The following ACOT7 variants were observed in gnomAD, a reference collection of about 807,000 sequenced individuals.
The protein encoded by ACOT7 is acyl-CoA thioesterase 7.
Under a neutral mutation model 40.2 loss-of-function variants are expected in ACOT7, and 12 were observed. The ratio of observed to expected loss-of-function variants is 0.30; its 90% CI spans 0.19 to 0.48. The LOEUF (loss-of-function observed/expected upper bound fraction) is 0.48, where lower values mean the gene tolerates loss of function less well. Ranked by LOEUF, ACOT7 falls within the 20% of genes least tolerant of loss-of-function variation. ACOT7 has a pLI of 0.99. For synonymous variants in ACOT7, 228 were observed against 219.5 expected (o/e 1.04, Z -0.34); for missense variants, 395 against 530.8 (o/e 0.74, Z 2.51).
chr1:6,333,678 A>G, intron 3 of ACOT7, 110 bp from the exon 4 acceptor site: 1 of 1,042,586 alleles, frequency 9.6e-7, no homozygotes, highest in Non-Finnish European at 1.5e-6. Flanking sequence ...TACCTGAAAC[A>G]CACCACAGTG....
chr1:6,290,526 C>T lies in ACOT7; in HGVS notation c.829+4338G>A, dbSNP rs1639634957. On this transcript the variant is annotated intron_variant, in intron 7 of 8. Coordinates refer to ENST00000361521, the MANE Select transcript of ACOT7 (RefSeq NM_007274.4). ...AACCGCCTGGATGTGCCCAGTCTAC[C>T]TGCAGGCACCTTTTCCATAAACGTA... Among the ~76,000 whole-genome samples the T allele has an allele frequency of 2.0e-5, 3 of 152,354 alleles. No homozygotes were observed. The South Asian group carries it at 6.2e-4, about 32-fold the overall frequency.
intron 1 of ACOT7, among the ~76,000 whole-genome samples, chr1:6,350,531 G>A (rs531783740): frequency 8.5e-4 from 129 of 152,364 alleles, no homozygotes; most frequent in African/African-American, 2.9e-3. Context: ...GTGAGCAGCC[G>A]GTAGTGTGGG....
chr1:6,289,682 TTG>T lies in ACOT7; in HGVS notation c.829+5180_829+5181del, dbSNP rs1339623985. ...AGCCACTGTGACCAGCCTGCTTTTTTTGTGTGTGTTTTGTTTTGTTTTGTTTT... is the reference window on the plus strand; with the variant it reads ...AGCCACTGTGACCAGCCTGCTTTTTTTGTGTGTTTTGTTTTGTTTTGTTTT... On this transcript the variant is annotated intron_variant, in intron 7 of 8. Coordinates refer to ENST00000361521, the MANE Select transcript of ACOT7 (RefSeq NM_007274.4). The surrounding 1 kb of genome is among the most constrained non-coding windows in gnomAD (Gnocchi z 4.6). Among the ~76,000 whole-genome samples, 2 of 151,660 alleles carry T rather than the reference TTG, an allele frequency of 1.3e-5. No individual in the cohort carries two copies. The highest frequency in any genetic ancestry group is 2.9e-5 in the Non-Finnish European group (2 of 67,952).
intron 7 of ACOT7, among the ~76,000 whole-genome samples, chr1:6,281,902 C>T: frequency 6.6e-6 from 1 of 152,200 alleles, no homozygotes; most frequent in East Asian, 1.9e-4. Context: ...TCTGGCCCCA[C>T]TGGTCTCGCC....
rs762011090 is a variant in ACOT7 at position 6,355,447 on chromosome 1, T to C, written c.144-5581A>G. Among the ~76,000 whole-genome samples, 5 of 152,158 alleles carry C rather than the reference T, an allele frequency of 3.3e-5. No individual in the cohort carries two copies. Among genetic ancestry groups the C allele is most frequent in the Admixed American group, 6.5e-5 (1 of 15,280 alleles). On this transcript the variant is annotated intron_variant, in intron 1 of 8. Coordinates refer to ENST00000361521, the MANE Select transcript of ACOT7 (RefSeq NM_007274.4). The surrounding 1 kb of genome is among the most constrained non-coding windows in gnomAD (Gnocchi z 5.0). The stretch of plus-strand genomic sequence containing the variant: ...CACACATTGGAATATTGCTCAGCCT[T>C]GCACGAGGAGGAGGAACCTTCTCAG...
At position 6,311,354 on chromosome 1, in the gene ACOT7, C is replaced by T. The variant is rs559918490; in HGVS notation, c.712+7138G>A. On this transcript the variant is annotated intron_variant, in intron 6 of 8. Transcript: ENST00000361521. This position sits in a 1 kb window ranked among gnomAD's most constrained non-coding sequence, Gnocchi z 5.2. ...AACCGGAGAAGCAACCAGAACAACC[C>T]GGATCATCCCATGGACGAGGGCCCC... Among the ~76,000 whole-genome samples, 9 of 152,314 alleles carry T rather than the reference C, an allele frequency of 5.9e-5. No individual in the cohort carries two copies. In the East Asian group the frequency reaches 1.5e-3, roughly 26 times the overall value.
intron 6 of ACOT7, among the ~76,000 whole-genome samples, chr1:6,297,624 C>T (rs1022015687): frequency 6.6e-6 from 1 of 152,134 alleles, no homozygotes; most frequent in Non-Finnish European, 1.5e-5. Flanking sequence ...CTGGACTCTA[C>T]CAACTAGAGA....
chr1:6,295,028 A>G, intron 6 of ACOT7, 48 bp from the exon 7 acceptor site: 1 of 1,425,272 alleles, frequency 7.0e-7, no homozygotes, highest in Non-Finnish European at 9.9e-7. Context: ...GGCAGAGGAG[A>G]TTATTTCACA....
In ACOT7 at chr1:6,358,416, AC is replaced by A. The variant is rs558502204; in HGVS notation, c.144-8551del. Among the ~76,000 whole-genome samples, 7 of 151,602 alleles carry A rather than the reference AC, an allele frequency of 4.6e-5. No homozygotes were observed. In the East Asian group the frequency reaches 7.7e-4, roughly 17 times the overall value. ...AGGAGGCTCCTTGTGCAGCCCACAG[AC>A]CCCCCCTCCACCGCAGGTAGGAAGC... On this transcript the variant is annotated intron_variant, in intron 1 of 8. Transcript: ENST00000361521. This position sits in a 1 kb window ranked among gnomAD's most constrained non-coding sequence, Gnocchi z 4.1.
intron 8 of ACOT7, among the ~76,000 whole-genome samples, chr1:6,280,654 C>A (rs1639328013): frequency 6.6e-6 from 1 of 152,214 alleles, no homozygotes; most frequent in Non-Finnish European, 1.5e-5. Context: ...AGGGAGCCCA[C>A]CCCTCCAGCT....
At chr1:6,349,683 A>G (rs1218210187) in intron 2 of ACOT7, 66 bp downstream of exon 2, 1 of 1,475,976 alleles carries the variant, frequency 6.8e-7, no homozygotes, top group Non-Finnish European at 9.3e-7. Context: ...TCCCCGGGGA[A>G]CTCCTGTCCT....
chr1:6,324,915 G>C (rs1039667977), intron 5 of ACOT7, among the ~76,000 whole-genome samples: 1 of 152,200 alleles, frequency 6.6e-6, no homozygotes, highest in East Asian at 1.9e-4. Context: ...CCTGAGCGCT[G>C]TGTTGGTGCC....
Position 6,347,360 on chromosome 1 carries a change from T to C in ACOT7, c.261+2389A>G, listed in dbSNP as rs2148452948. ...AGGGGCAAGTGTTCAAAGCACAGGT[T>C]CGAGGTATAGTCACAGCCCAGACCT... is the stretch of plus-strand genomic sequence containing the variant. On this transcript the variant is annotated intron_variant, in intron 2 of 8. Transcript: ENST00000361521. Among the ~76,000 whole-genome samples, 5 of 152,260 alleles carry C rather than the reference T, an allele frequency of 3.3e-5. No homozygotes were observed. The South Asian group carries it at 1.0e-3, about 32-fold the overall frequency.
chr1:6,387,239 A>T (rs1327237016), intron 1 of ACOT7, among the ~76,000 whole-genome samples: 1 of 152,186 alleles, frequency 6.6e-6, no homozygotes, highest in Non-Finnish European at 1.5e-5. Flanking sequence ...GCCACTACTC[A>T]GTGTGCACAC....
chr1:6,357,353 G>A (rs929635932), intron 1 of ACOT7, among the ~76,000 whole-genome samples: 1 of 152,268 alleles, frequency 6.6e-6, no homozygotes, highest in Non-Finnish European at 1.5e-5. Flanking sequence ...GTGCCCACCT[G>A]AAGGTGCACA....
rs879547393 is a variant in ACOT7 at position 6,278,115 on chromosome 1, G to A, written c.1014+2987C>T. Among the ~76,000 whole-genome samples the A allele has an allele frequency of 1.4e-4, 22 of 152,086 alleles. No individual in the cohort carries two copies. Among genetic ancestry groups the A allele is most frequent in the Non-Finnish European group, 2.8e-4 (19 of 67,982 alleles). On this transcript the variant is annotated intron_variant, in intron 8 of 8. Coordinates refer to ENST00000361521, the MANE Select transcript of ACOT7 (RefSeq NM_007274.4). The surrounding 1 kb of genome is among the most constrained non-coding windows in gnomAD (Gnocchi z 4.1). The stretch of plus-strand genomic sequence containing the variant: ...GGTTGGGAGGGGGTCTGGGGTGGCG[G>A]AGGCGACGCTTCTCTAGAGCGGTTG...
At chr1:6,325,794 G>A (rs1207977046) in intron 5 of ACOT7, among the ~76,000 whole-genome samples, 1 of 152,212 alleles carries the variant, frequency 6.6e-6, no homozygotes, top group Non-Finnish European at 1.5e-5. Context: ...GTTTTCACCA[G>A]TCCCCTTTGG....
At chr1:6,377,090 T>C (rs1469636660) in intron 1 of ACOT7, among the ~76,000 whole-genome samples, 1 of 152,206 alleles carries the variant, frequency 6.6e-6, no homozygotes, top group South Asian at 2.1e-4. Context: ...CATCAAATGC[T>C]GGTGAGGATG....
At chr1:6,310,352 C>A (rs1640296157) in intron 6 of ACOT7, among the ~76,000 whole-genome samples, 1 of 152,236 alleles carries the variant, frequency 6.6e-6, no homozygotes, top group Admixed American at 6.5e-5. Context: ...GTGCGCAGAA[C>A]CACTCGGGGT....
Sources: gnomAD v4.1 joint callset for allele counts (sites outside exome capture counted in the v4.1 genomes callset) on GRCh38, gnomAD v4.1.1 for gene constraint, Gnocchi (gnomAD v3.1) non-coding constraint, MANE v1.5 for transcripts, NCBI Gene and HGNC (gene_info 2026-07-23, HGNC 2026-07-21) for gene names.